The following STAT5B variants were observed in gnomAD, a reference collection of about 807,000 sequenced individuals.
STAT5B encodes the protein transcription factor STAT5B.
STAT5B carries 21 observed loss-of-function variants against 107.8 expected under a neutral mutation model. The ratio of observed to expected loss-of-function variants is 0.19; its 90% CI spans 0.14 to 0.28. The LOEUF (loss-of-function observed/expected upper bound fraction) is 0.28, where lower values mean the gene tolerates loss of function less well. STAT5B is among the 10% of genes least tolerant of loss of function. The pLI is 1.00. For missense variants in STAT5B, 565 were observed against 1,008.2 expected (o/e 0.56, Z 5.95); for synonymous variants, 325 against 401.7 (o/e 0.81, Z 2.28).
At chr17:42,237,182 A>G (rs1255921133) in intron 1 of STAT5B, among the ~76,000 whole-genome samples, 1 of 152,156 alleles carries the variant, frequency 6.6e-6, no homozygotes, top group African/African-American at 2.4e-5. Context: ...CCTCAACCTT[A>G]TATATCTGGA....
At position 42,214,096 on chromosome 17, in the gene STAT5B, T is replaced by C. The variant is rs541869878; in HGVS notation, c.1474-1906A>G. The C allele has an allele frequency of 1.7e-5, 9 of 528,988 alleles. No homozygotes were observed. The African/African-American group carries it at 1.9e-4, about 11-fold the overall frequency. The allele number at this position is 528,988 out of a possible 1,614,324, so 32.8% of individuals were successfully genotyped here. ...AGGCAGAAGCTGCAGTGAGCCGAGA[T>C]AATGCCACTGTACTCCAGCCTGGGT... On this transcript the variant is annotated intron_variant, in intron 12 of 18. Coordinates refer to ENST00000293328, the MANE Select transcript of STAT5B (RefSeq NM_012448.4).
chr17:42,280,366 G>C (rs1251135045), upstream of STAT5B, among the ~76,000 whole-genome samples: 1 of 152,080 alleles, frequency 6.6e-6, no homozygotes, highest in Non-Finnish European at 1.5e-5. Flanking sequence ...ATGGCTTTCA[G>C]AGGGGGCAGC....
At chr17:42,283,833 G>C in the STAT5B span, among the ~76,000 whole-genome samples, 1 of 152,308 alleles carries the variant, frequency 6.6e-6, no homozygotes, top group South Asian at 2.1e-4. Context: ...CCTGGCCTCA[G>C]AGGTGGGGTA....
chr17:42,274,279 T>C (rs968840887), intron 1 of STAT5B, among the ~76,000 whole-genome samples: 1 of 19,850 alleles, frequency 5.0e-5, no homozygotes, highest in African/African-American at 2.1e-4. Context: ...TGGTTTGCTT[T>C]ACAAAAAAAA....
intron 1 of STAT5B, chr17:42,271,616 G>A (rs2080722875): frequency 6.6e-6 from 1 of 152,102 alleles, no homozygotes; most frequent in Non-Finnish European, 1.5e-5. Flanking sequence ...GGTAATAGAA[G>A]GATACATGAA....
intron 2 of STAT5B, among the ~76,000 whole-genome samples, chr17:42,229,440 G>A (rs532767709): frequency 2.4e-4 from 37 of 151,392 alleles, no homozygotes; most frequent in African/African-American, 6.5e-4. Flanking sequence ...GTGAGCCACC[G>A]TGCCCGGCCA....
intron 13 of STAT5B, among the ~76,000 whole-genome samples, 180 bp downstream of exon 13, chr17:42,211,803 GA>G (rs2080131818): frequency 1.3e-5 from 2 of 152,224 alleles, no homozygotes; most frequent in African/African-American, 4.8e-5. Context: ...AATATGCAAA[GA>G]TGTAATTTTC....
At chr17:42,264,656 C>T (rs1046246784) in intron 1 of STAT5B, among the ~76,000 whole-genome samples, 5 of 151,656 alleles carry the variant, frequency 3.3e-5, no homozygotes, top group Admixed American at 6.6e-5. Context: ...TGAATACTGC[C>T]GCAATAAACA....
chr17:42,255,435 T>C (rs868724528), intron 1 of STAT5B, among the ~76,000 whole-genome samples: 9 of 152,198 alleles, frequency 5.9e-5, no homozygotes, highest in Non-Finnish European at 1.2e-4. Context: ...TGCATACTCA[T>C]TGCACATGCA....
At chr17:42,212,668 T>C (rs2080139283) in intron 12 of STAT5B, among the ~76,000 whole-genome samples, 1 of 152,226 alleles carries the variant, frequency 6.6e-6, no homozygotes, top group Admixed American at 6.5e-5. Flanking sequence ...AACAACTTGG[T>C]ATGGAAGAGT....
At chr17:42,259,342 G>A (rs557803861) in intron 1 of STAT5B, among the ~76,000 whole-genome samples, 1 of 152,228 alleles carries the variant, frequency 6.6e-6, no homozygotes, top group East Asian at 1.9e-4. Flanking sequence ...GAGGTCCTCT[G>A]AAAGCAGGAG....
intron 12 of STAT5B, chr17:42,214,331 C>T: frequency 2.0e-6 from 2 of 985,224 alleles, no homozygotes; most frequent in Non-Finnish European, 2.4e-6. Context: ...GCAATCTTAT[C>T]TAGGAGGCTT....
In STAT5B at chr17:42,276,062, G is replaced by A. The variant is rs2144449579; in HGVS notation, c.-11+186C>T. Among the ~76,000 whole-genome samples the A allele has an allele frequency of 6.6e-6, 1 of 151,284 alleles. No homozygotes were observed. The highest frequency in any genetic ancestry group is 2.0e-4 in the East Asian group (1 of 5,060). On this transcript the variant is annotated intron_variant, in intron 1 of 18. Transcript: ENST00000293328. The surrounding 1 kb of genome is among the most constrained non-coding windows in gnomAD (Gnocchi z 4.8). Reference sequence around the variant, plus strand: ...CGCATTGCCCTCAGCCTCCCCGGCAGCCAACCCGGACCCCCTCTCCCCGCG... The same window carrying A: ...CGCATTGCCCTCAGCCTCCCCGGCAACCAACCCGGACCCCCTCTCCCCGCG...
Position 42,223,569 on chromosome 17 carries a change from G to A in STAT5B, c.376-13C>T. 6.2e-7 allele frequency: 1 copy of A among 1,614,010 alleles called. No homozygotes were observed. Among genetic ancestry groups the A allele is most frequent in the East Asian group, 2.2e-5 (1 of 44,874 alleles). ...CTGGAGAGCTACCCTGGGAACATAT[G>A]GGGGGCAGTGCAAGGCAGTGCGAAT... On this transcript the variant is annotated splice_polypyrimidine_tract_variant and intron_variant, in intron 4 of 18. Transcript: ENST00000293328.
chr17:42,287,876 G>A, the STAT5B span: 1 of 152,276 alleles, frequency 6.6e-6, no homozygotes, highest in Non-Finnish European at 1.5e-5. Context: ...TAGATGGCCG[G>A]AGTAAAAGAA....
At chr17:42,246,517 T>TTA (rs2080453022) in intron 1 of STAT5B, among the ~76,000 whole-genome samples, 1 of 152,122 alleles carries the variant, frequency 6.6e-6, no homozygotes, top group Non-Finnish European at 1.5e-5. Context: ...TGACATATAT[T>TTA]TATATATATT....
chr17:42,209,168 G>A (rs1203636665), intron 15 of STAT5B, among the ~76,000 whole-genome samples: 1 of 152,006 alleles, frequency 6.6e-6, no homozygotes, highest in Non-Finnish European at 1.5e-5. Context: ...CAGAGTAGCT[G>A]GGACTACAGG....
intron 1 of STAT5B, among the ~76,000 whole-genome samples, chr17:42,259,106 C>G (rs1331342899): frequency 6.6e-6 from 1 of 151,844 alleles, no homozygotes; most frequent in African/African-American, 2.4e-5. Context: ...AACAAAACAC[C>G]CTGCCTAAAA....
At chr17:42,244,767 C>T (rs1453078354) in intron 1 of STAT5B, among the ~76,000 whole-genome samples, 1 of 152,014 alleles carries the variant, frequency 6.6e-6, no homozygotes, top group Non-Finnish European at 1.5e-5. Context: ...ACAGAAATAA[C>T]CAAAATGTCC....
Sources: gnomAD v4.1 joint callset for allele counts (sites outside exome capture counted in the v4.1 genomes callset) on GRCh38, gnomAD v4.1.1 for gene constraint, Gnocchi (gnomAD v3.1) non-coding constraint, MANE v1.5 for transcripts, NCBI Gene and HGNC (gene_info 2026-07-23, HGNC 2026-07-21) for gene names.